DMRT1: variants seen among roughly 807,000 people sequenced by gnomAD.
The protein encoded by DMRT1 is doublesex and mab-3 related transcription factor 1.
DMRT1 carries 7 observed loss-of-function variants against 32.3 expected under a neutral mutation model. That is an observed-to-expected ratio of 0.22 (90% CI 0.12 to 0.41). The LOEUF (loss-of-function observed/expected upper bound fraction) is 0.41. Among genes scored for constraint, DMRT1 ranks in the 10% least tolerant of loss-of-function variants. DMRT1 has a pLI of 1.00. For missense variants in DMRT1, 625 were observed against 500.5 expected (o/e 1.25, Z -2.37); for synonymous variants, 278 against 206.1 (o/e 1.35, Z -2.99).
At chr9:859,218 C>G (rs1356152018) in intron 2 of DMRT1, among the ~76,000 whole-genome samples, 1 of 152,110 alleles carries the variant, frequency 6.6e-6, no homozygotes, top group Non-Finnish European at 1.5e-5. Context: ...CTGACTTCTT[C>G]CTTTGTTTTA....
intron 2 of DMRT1, among the ~76,000 whole-genome samples, chr9:851,229 T>C (rs574799334): frequency 1.3e-5 from 2 of 152,076 alleles, no homozygotes; most frequent in Non-Finnish European, 2.9e-5. Context: ...TGAAATTTAG[T>C]CAACTTTTAT....
At chr9:964,700 A>C in intron 4 of DMRT1, among the ~76,000 whole-genome samples, 1 of 152,146 alleles carries the variant, frequency 6.6e-6, no homozygotes, top group Non-Finnish European at 1.5e-5. Flanking sequence ...CAGTACACTA[A>C]CATCTTCACT....
chr9:861,854 C>G (rs865776462), intron 2 of DMRT1, among the ~76,000 whole-genome samples: 1 of 147,982 alleles, frequency 6.8e-6, no homozygotes. Context: ...CGCTCCTCAC[C>G]TCCCAGACGG....
chr9:872,283 G>A (rs1026936732), intron 2 of DMRT1, among the ~76,000 whole-genome samples: 12 of 151,572 alleles, frequency 7.9e-5, no homozygotes, highest in Non-Finnish European at 1.0e-4. Context: ...GGCTGGTCTC[G>A]AACTCCTGAC....
At chr9:866,002 A>G (rs1457150434) in intron 2 of DMRT1, among the ~76,000 whole-genome samples, 1 of 151,828 alleles carries the variant, frequency 6.6e-6, no homozygotes, top group Non-Finnish European at 1.5e-5. Context: ...TGTCTCTACT[A>G]AAAATACAAA....
chr9:914,370 C>T (rs1469422051), intron 3 of DMRT1, among the ~76,000 whole-genome samples: 1 of 151,852 alleles, frequency 6.6e-6, no homozygotes, highest in Non-Finnish European at 1.5e-5. Context: ...GTCATGAGAT[C>T]GAGACCATCC....
intron 1 of DMRT1, among the ~76,000 whole-genome samples, chr9:844,775 C>T (rs1350104001): frequency 1.4e-5 from 2 of 142,232 alleles, no homozygotes; most frequent in African/African-American, 5.3e-5. Flanking sequence ...GGCTGTAGTG[C>T]AGTGGCATGA....
chr9:923,045 A>G (rs1243293931), intron 4 of DMRT1, among the ~76,000 whole-genome samples: 2 of 152,228 alleles, frequency 1.3e-5, no homozygotes, highest in Admixed American at 6.5e-5. Context: ...CAGGGAGTCT[A>G]GCAGTGCCTG....
intron 2 of DMRT1, among the ~76,000 whole-genome samples, chr9:852,127 G>A (rs1425580520): frequency 6.6e-6 from 1 of 151,702 alleles, no homozygotes; most frequent in African/African-American, 2.4e-5. Context: ...AGTAGAGATG[G>A]GGTTTCACCA....
chr9:950,109 A>G (rs1239927066), intron 4 of DMRT1, among the ~76,000 whole-genome samples: 1 of 151,980 alleles, frequency 6.6e-6, no homozygotes, highest in Non-Finnish European at 1.5e-5. Flanking sequence ...ACAGTAGTTT[A>G]TTGAAGTCTC....
intron 3 of DMRT1, among the ~76,000 whole-genome samples, chr9:898,031 A>T (rs754967582): frequency 3.3e-5 from 5 of 151,772 alleles, no homozygotes; most frequent in Non-Finnish European, 5.9e-5. Context: ...GTAAAAATCT[A>T]CAAATAATAC....
chr9:951,918 CA>C (rs781486827), intron 4 of DMRT1, among the ~76,000 whole-genome samples: 41 of 152,270 alleles, frequency 2.7e-4, no homozygotes, highest in Non-Finnish European at 4.1e-4. Flanking sequence ...TCTCTTCTTA[CA>C]GGAAGGGAGG....
At chr9:914,573 CAAAAAAAA>C (rs34584256) in intron 3 of DMRT1, among the ~76,000 whole-genome samples, 3 of 66,166 alleles carry the variant, frequency 4.5e-5, no homozygotes, top group Non-Finnish European at 2.7e-5. Context: ...GACTCTGTCT[CAAAAAAAA>C]AAAAAAAAAA....
chr9:901,160 A>T (rs1336678255), intron 3 of DMRT1, among the ~76,000 whole-genome samples: 1 of 152,046 alleles, frequency 6.6e-6, no homozygotes, highest in Non-Finnish European at 1.5e-5. Context: ...GGCTACAGGC[A>T]TGTACCACCA....
At chr9:934,137 T>C (rs1426554721) in intron 4 of DMRT1, among the ~76,000 whole-genome samples, 2 of 152,136 alleles carry the variant, frequency 1.3e-5, no homozygotes, top group African/African-American at 4.8e-5. Flanking sequence ...TGGAGCAGCA[T>C]GTGAGCCTTG....
intron 4 of DMRT1, among the ~76,000 whole-genome samples, chr9:925,100 A>G (rs964768303): frequency 1.3e-5 from 2 of 152,178 alleles, no homozygotes; most frequent in Non-Finnish European, 2.9e-5. Context: ...AGGTCCATTC[A>G]CTGCAGCATG....
intron 2 of DMRT1, among the ~76,000 whole-genome samples, chr9:881,960 C>G (rs910404747): frequency 6.6e-6 from 1 of 152,238 alleles, no homozygotes; most frequent in African/African-American, 2.4e-5. Flanking sequence ...AAATCTCTGT[C>G]TTGGCCGTGA....
intron 4 of DMRT1, among the ~76,000 whole-genome samples, chr9:936,272 C>T (rs1024956240): frequency 6.6e-6 from 1 of 152,148 alleles, no homozygotes; most frequent in Non-Finnish European, 1.5e-5. Flanking sequence ...TATCAGAGGT[C>T]TGCCCCTTCT....
At chr9:916,731 T>A (rs1466929194) in intron 3 of DMRT1, 32 bp from the exon 4 acceptor site, 8 of 1,612,884 alleles carry the variant, frequency 5.0e-6, no homozygotes, top group Non-Finnish European at 6.8e-6. Context: ...GCAATGTTGA[T>A]CTCAGTATAT....
Sources: gnomAD v4.1 joint callset for allele counts (sites outside exome capture counted in the v4.1 genomes callset) on GRCh38, gnomAD v4.1.1 for gene constraint, MANE v1.5 for transcripts, NCBI Gene and HGNC (gene_info 2026-07-23, HGNC 2026-07-21) for gene names.